Variants in DZIP1 observed in about 807,000 individuals in gnomAD.
DZIP1 encodes DAZ interacting zinc finger protein 1.
DZIP1 carries 97 observed loss-of-function variants against 107.6 expected under a neutral mutation model. The ratio of observed to expected loss-of-function variants is 0.90; its 90% CI spans 0.77 to 1.07. DZIP1 has a LOEUF of 1.07. Ranked by LOEUF, DZIP1 falls within the 50% of genes least tolerant of loss-of-function variation. The probability of loss-of-function intolerance (pLI) is 0.00; values close to 1 mark genes in which losing one functional copy is unlikely to be tolerated. For missense variants in DZIP1, 1,035 were observed against 1,063.6 expected (o/e 0.97, Z 0.37); for synonymous variants, 390 against 386.4 (o/e 1.01, Z -0.11).
chr13:95,599,381 A>C lies in DZIP1; in HGVS notation c.1521T>G (p.Leu507=). ...CTTTGTTACCTTTTTCTTCCTCTGA[A>C]AGTTCTTCTATTGGTTCCAGTATGT... ...SSHILEPIEE[L]SEEEKGRENE... The change falls in exon 15 of 23, where the codon CTT becomes CTG. Residue 507 remains leucine, a synonymous_variant. Transcript: ENST00000376829. 6.2e-7 allele frequency: 1 copy of C among 1,613,746 alleles called. No individual in the cohort carries two copies. The highest frequency in any genetic ancestry group is 8.5e-7 in the Non-Finnish European group (1 of 1,179,762).
chr13:95,601,176 A>T (rs1029650107), intron 14 of DZIP1, among the ~76,000 whole-genome samples: 1 of 152,154 alleles, frequency 6.6e-6, no homozygotes, highest in Non-Finnish European at 1.5e-5. Context: ...ACAGAGGAAG[A>T]GTTCTGGTAG....
At chr13:95,618,146 C>T (rs968991808) in intron 10 of DZIP1, among the ~76,000 whole-genome samples, 7 of 152,306 alleles carry the variant, frequency 4.6e-5, no homozygotes, top group Admixed American at 1.3e-4. Flanking sequence ...AAGAAACTCT[C>T]TCTGTTCAGT....
intron 5 of DZIP1, chr13:95,636,865 C>T (rs899531919): frequency 3.3e-5 from 5 of 151,970 alleles, no homozygotes; most frequent in Non-Finnish European, 7.4e-5. Context: ...CACCAGGTTC[C>T]AGGGAAAACT....
At chr13:95,625,050 G>T in intron 7 of DZIP1, 121 bp from the exon 8 acceptor site, 1 of 863,808 alleles carries the variant, frequency 1.2e-6, no homozygotes, top group Non-Finnish European at 1.7e-6. Flanking sequence ...TTTCAGTGAG[G>T]CTTGTAACAA....
chr13:95,597,419 A>G (rs558703760), intron 15 of DZIP1, among the ~76,000 whole-genome samples: 12 of 152,360 alleles, frequency 7.9e-5, no homozygotes, highest in African/African-American at 2.2e-4. Context: ...GAGCGGAAGC[A>G]TGTTACTTGC....
intron 8 of DZIP1, among the ~76,000 whole-genome samples, chr13:95,623,454 T>C (rs1268835117): frequency 1.3e-5 from 2 of 152,184 alleles, no homozygotes; most frequent in African/African-American, 2.4e-5. Context: ...TTATAAGTCA[T>C]GCAGATTCGT....
At chr13:95,594,337 T>C (rs893383249) in intron 15 of DZIP1, among the ~76,000 whole-genome samples, 1 of 152,162 alleles carries the variant, frequency 6.6e-6, no homozygotes, top group African/African-American at 2.4e-5. Flanking sequence ...ATGACAACTA[T>C]AGATATATAT....
At chr13:95,637,742 A>G (rs1238691240) in intron 5 of DZIP1, among the ~76,000 whole-genome samples, 1 of 152,098 alleles carries the variant, frequency 6.6e-6, no homozygotes, top group Non-Finnish European at 1.5e-5. Context: ...CCCTGTTGAC[A>G]CCTTGATCTT....
At chr13:95,583,166 C>A (rs1433050609) in intron 22 of DZIP1, among the ~76,000 whole-genome samples, 1 of 151,782 alleles carries the variant, frequency 6.6e-6, no homozygotes, top group African/African-American at 2.4e-5. Context: ...GTGGCTGACA[C>A]CTGTAATCCC....
chr13:95,595,998 A>G (rs1372545640), intron 15 of DZIP1, among the ~76,000 whole-genome samples: 1 of 152,142 alleles, frequency 6.6e-6, no homozygotes, highest in Admixed American at 6.5e-5. Context: ...ACTACTGCAG[A>G]TTACGCATTT....
At position 95,579,665 on chromosome 13, in the gene DZIP1, AAAAG is replaced by A. The variant is rs1411641425; in HGVS notation, c.*2565_*2568del. On this transcript the variant is annotated 3_prime_UTR_variant, in exon 23 of 23. Transcript: ENST00000376829. ...TTCCTGAAGTGTGAAAGACTTAAAA[AAAAG>A]AATCACATTGTTCAGAGGTGCTCAA... is the stretch of plus-strand genomic sequence containing the variant. The A allele has an allele frequency of 6.6e-6, 1 of 152,256 alleles. No homozygotes were observed. Among genetic ancestry groups the A allele is most frequent in the Non-Finnish European group, 1.5e-5 (1 of 68,046 alleles). The allele number at this position is 152,256 out of a possible 1,614,324, so 9.4% of individuals were successfully genotyped here.
chr13:95,606,445 T>C (rs2044780547), intron 13 of DZIP1, among the ~76,000 whole-genome samples: 1 of 152,206 alleles, frequency 6.6e-6, no homozygotes, highest in Non-Finnish European at 1.5e-5. Flanking sequence ...TCTCTATGAA[T>C]TTGCCTATTC....
At position 95,589,878 on chromosome 13, in the gene DZIP1, A is replaced by C; in HGVS notation, c.1898T>G (p.Met633Arg). ...TCTGTTTTTGGAAGGAAGTTGTATC[A>C]TTTTGGGTACTTCTCCAGTTGAAAG... ...DTLSTGEVPKMIQLPSKNRQL... is the reference protein window; with the variant it reads ...DTLSTGEVPKRIQLPSKNRQL... Residue 633 changes from methionine (M) to arginine (R), a missense_variant, in exon 18 of 23, where the codon ATG becomes AGG. By Grantham distance (91) the Met-to-Arg change is moderately conservative. Coordinates refer to ENST00000376829, the MANE Select transcript of DZIP1 (RefSeq NM_198968.4). The C allele has an allele frequency of 6.2e-7, 1 of 1,614,210 alleles. No homozygotes were observed. Among genetic ancestry groups the C allele is most frequent in the Non-Finnish European group, 8.5e-7 (1 of 1,180,028 alleles).
intron 6 of DZIP1, among the ~76,000 whole-genome samples, chr13:95,632,671 TC>T (rs754227025): frequency 6.6e-6 from 1 of 152,064 alleles, no homozygotes; most frequent in Non-Finnish European, 1.5e-5. Context: ...ATATAAAAAC[TC>T]CACATTCCAG....
At chr13:95,638,123 CTT>C (rs986516855) in intron 5 of DZIP1, among the ~76,000 whole-genome samples, 1 of 112,276 alleles carries the variant, frequency 8.9e-6, no homozygotes, top group African/African-American at 3.4e-5. Flanking sequence ...GAGTTTTGCT[CTT>C]GTCACCCAGG....
intron 10 of DZIP1, chr13:95,617,839 A>G (rs1594706028): frequency 2.0e-6 from 1 of 508,500 alleles, no homozygotes; most frequent in Non-Finnish European, 4.0e-6. Flanking sequence ...GGCTTAGTTA[A>G]TGCAGGGCAA....
intron 16 of DZIP1, among the ~76,000 whole-genome samples, chr13:95,592,682 C>G (rs74109007): frequency 0.018 from 2,725 of 152,166 alleles, 77 homozygotes; most frequent in African/African-American, 0.061. Context: ...AAGACATGTA[C>G]AAGAATTAAT....
rs942812555 is a variant in DZIP1, at chr13:95,641,364, C to G, written c.528G>C (p.Glu176Asp). The G allele has an allele frequency of 1.2e-6, 2 of 1,614,086 alleles. No homozygotes were observed. The highest frequency in any genetic ancestry group is 1.7e-6 in the Non-Finnish European group (2 of 1,179,956). The change falls in exon 5 of 23, where the codon GAG becomes GAC. Residue 176 changes from glutamate to aspartate, a missense_variant. Physicochemically the swap from Glu to Asp is conservative, Grantham distance 45 (BLOSUM62 2). Transcript: ENST00000376829. This position sits in a 1 kb window ranked among gnomAD's most constrained non-coding sequence, Gnocchi z 4.3. The stretch of plus-strand genomic sequence containing the variant: ...AGATCATCTTCTTCCGGCGTTTGCA[C>G]TCTTCCTTGAGCGTCTTGATCTCCC... Reference protein sequence around the residue: ...QAGEIKTLKEECKRRKKMIST... With the variant: ...QAGEIKTLKEDCKRRKKMIST...
chr13:95,616,668 G>C (rs1394322123), intron 10 of DZIP1, among the ~76,000 whole-genome samples: 4 of 152,170 alleles, frequency 2.6e-5, no homozygotes, highest in Non-Finnish European at 5.9e-5. Context: ...CCAGGACCCA[G>C]AGGCCAGAGG....
Sources: gnomAD v4.1 joint callset for allele counts (sites outside exome capture counted in the v4.1 genomes callset) on GRCh38, gnomAD v4.1.1 for gene constraint, Gnocchi (gnomAD v3.1) non-coding constraint, MANE v1.5 for transcripts, NCBI Gene and HGNC (gene_info 2026-07-23, HGNC 2026-07-21) for gene names.